The following KDM4C variants were observed in gnomAD, a reference collection of about 807,000 sequenced individuals.
KDM4C encodes lysine-specific demethylase 4C.
Under a neutral mutation model 129.3 loss-of-function variants are expected in KDM4C, and 81 were observed. The observed-to-expected ratio is 0.63, with a 90% CI of 0.52 to 0.75. The LOEUF is 0.75. KDM4C is among the 30% of genes least tolerant of loss of function. KDM4C has a pLI of 0.00. For synonymous variants in KDM4C, 573 were observed against 456.1 expected (o/e 1.26, Z -3.26); for missense variants, 1,457 against 1,304.0 (o/e 1.12, Z -1.81).
intron 15 of KDM4C, among the ~76,000 whole-genome samples, chr9:7,040,951 A>T (rs1055331972): frequency 1.3e-5 from 2 of 150,802 alleles, no homozygotes; most frequent in Non-Finnish European, 3.0e-5. Context: ...TTTTCTGTCA[A>T]TATCTCTTCC....
intron 8 of KDM4C, among the ~76,000 whole-genome samples, chr9:6,920,116 T>A (rs1821203935): frequency 6.6e-6 from 1 of 151,714 alleles, no homozygotes. Context: ...GCCTTGGAGG[T>A]TAGGGTTTTT....
intron 15 of KDM4C, among the ~76,000 whole-genome samples, chr9:7,036,303 TTG>T (rs1827636598): frequency 6.6e-6 from 1 of 152,220 alleles, no homozygotes; most frequent in Non-Finnish European, 1.5e-5. Flanking sequence ...GGGTTTTTAT[TTG>T]AAAACCAAAT....
At chr9:7,110,588 T>C (rs1410743205) in intron 18 of KDM4C, among the ~76,000 whole-genome samples, 1 of 152,198 alleles carries the variant, frequency 6.6e-6, no homozygotes, top group Non-Finnish European at 1.5e-5. Flanking sequence ...CCTCATCCTC[T>C]ACGCGCTTGG....
At chr9:7,100,357 T>A (rs1411439925) in intron 17 of KDM4C, among the ~76,000 whole-genome samples, 1 of 152,168 alleles carries the variant, frequency 6.6e-6, no homozygotes, top group Non-Finnish European at 1.5e-5. Flanking sequence ...TTCCTTTTTT[T>A]GAGACAGAGT....
chr9:6,729,005 A>T (rs1817237020), intron 1 of KDM4C, among the ~76,000 whole-genome samples: 1 of 151,882 alleles, frequency 6.6e-6, no homozygotes, highest in South Asian at 2.1e-4. Context: ...GGAGTTCAAG[A>T]TCAGCCTGGC....
intron 1 of KDM4C, chr9:6,748,999 A>C: frequency 1.3e-6 from 1 of 776,094 alleles, no homozygotes; most frequent in South Asian, 1.3e-5. Flanking sequence ...TTTCACAAAG[A>C]GCACACTTGC....
chr9:6,841,944 A>T (rs1162796749), intron 4 of KDM4C, among the ~76,000 whole-genome samples: 1 of 152,090 alleles, frequency 6.6e-6, no homozygotes, highest in Non-Finnish European at 1.5e-5. Flanking sequence ...AGTTTTCTTA[A>T]TTGCTCAGGC....
At chr9:7,054,707 A>G (rs547751576) in intron 17 of KDM4C, among the ~76,000 whole-genome samples, 1 of 152,328 alleles carries the variant, frequency 6.6e-6, no homozygotes, top group African/African-American at 2.4e-5. Flanking sequence ...ATGAATGTTT[A>G]TTGTATACAT....
At chr9:7,091,462 G>A (rs1365064783) in intron 17 of KDM4C, among the ~76,000 whole-genome samples, 1 of 151,992 alleles carries the variant, frequency 6.6e-6, no homozygotes, top group East Asian at 1.9e-4. Flanking sequence ...TTCCCTCTAG[G>A]AAAAGGCAGA....
At chr9:7,127,974 G>T (rs1044748735) in intron 18 of KDM4C, 92 bp from the exon 19 acceptor site, 2 of 1,112,166 alleles carry the variant, frequency 1.8e-6, no homozygotes, top group Admixed American at 3.8e-5. Flanking sequence ...CCAAATAAAT[G>T]ATTGTTTTTC....
At chr9:6,850,015 T>A (rs2130125326) in intron 5 of KDM4C, among the ~76,000 whole-genome samples, 1 of 152,364 alleles carries the variant, frequency 6.6e-6, no homozygotes, top group African/African-American at 2.4e-5. Flanking sequence ...TATGTTTAGC[T>A]AAATGAATAC....
intron 17 of KDM4C, among the ~76,000 whole-genome samples, chr9:7,071,030 A>G (rs1833120917): frequency 1.3e-5 from 2 of 152,216 alleles, no homozygotes; most frequent in Non-Finnish European, 2.9e-5. Context: ...TATGCTAGCA[A>G]TGAAAAATTT....
Position 6,994,698 on chromosome 9 carries a change from T to C in KDM4C, c.1786+4174T>C, listed in dbSNP as rs1819379404. Among the ~76,000 whole-genome samples the C allele has an allele frequency of 5.3e-5, 8 of 152,354 alleles. No individual in the cohort carries two copies. The South Asian group carries it at 1.7e-3, about 32-fold the overall frequency. On this transcript the variant is annotated intron_variant, in intron 12 of 21. Transcript: ENST00000381309. ...AAGTTAAGTACCTCAACGTGTTACATACTGTCATATTAAAAGAAAAATGTA... is the reference window on the plus strand; with the variant it reads ...AAGTTAAGTACCTCAACGTGTTACACACTGTCATATTAAAAGAAAAATGTA...
intron 12 of KDM4C, among the ~76,000 whole-genome samples, chr9:6,996,759 G>A (rs60506010): frequency 0.016 from 2,501 of 152,222 alleles, 62 homozygotes; most frequent in African/African-American, 0.053. Context: ...AAAGTTAACT[G>A]GAAATTTATA....
chr9:7,092,233 T>G (rs1189279292), intron 17 of KDM4C, among the ~76,000 whole-genome samples: 2 of 152,166 alleles, frequency 1.3e-5, no homozygotes, highest in Admixed American at 1.3e-4. Context: ...ACCACAGTAA[T>G]CCTCTGAAGT....
chr9:7,040,276 G>A (rs1291800681), intron 15 of KDM4C, among the ~76,000 whole-genome samples: 1 of 150,942 alleles, frequency 6.6e-6, no homozygotes, highest in Non-Finnish European at 1.5e-5. Context: ...AATGAAATTT[G>A]TTCATTCTCT....
intron 3 of KDM4C, among the ~76,000 whole-genome samples, chr9:6,812,063 T>C (rs1831251967): frequency 6.6e-6 from 1 of 152,116 alleles, no homozygotes; most frequent in Non-Finnish European, 1.5e-5. Context: ...CCAAACTTTA[T>C]CTTTCTCTCT....
chr9:6,827,700 C>T (rs916118684), intron 4 of KDM4C, among the ~76,000 whole-genome samples: 2 of 152,138 alleles, frequency 1.3e-5, no homozygotes, highest in Non-Finnish European at 2.9e-5. Flanking sequence ...CGTTCAAAGC[C>T]AGAACACTAA....
At chr9:6,831,828 C>G (rs545097840) in intron 4 of KDM4C, among the ~76,000 whole-genome samples, 5 of 152,176 alleles carry the variant, frequency 3.3e-5, no homozygotes, top group Non-Finnish European at 7.4e-5. Context: ...CTTTCGTTGG[C>G]CAGAAAGAAC....
Sources: gnomAD v4.1 joint callset for allele counts (sites outside exome capture counted in the v4.1 genomes callset) on GRCh38, gnomAD v4.1.1 for gene constraint, MANE v1.5 for transcripts, NCBI Gene and HGNC (gene_info 2026-07-23, HGNC 2026-07-21) for gene names.